The following CRYBG1 variants were observed in gnomAD, a reference collection of about 807,000 sequenced individuals.
CRYBG1 encodes beta/gamma crystallin domain-containing protein 1.
A neutral mutation model predicts 189.2 loss-of-function variants in CRYBG1; 139 were observed. The observed-to-expected ratio is 0.73, with a 90% CI of 0.64 to 0.85. The LOEUF (loss-of-function observed/expected upper bound fraction) is 0.85, where lower values mean the gene tolerates loss of function less well. CRYBG1 is among the 40% of genes least tolerant of loss of function. The pLI, the probability that CRYBG1 is intolerant of heterozygous loss-of-function variation, is 0.00. For missense variants in CRYBG1, 2,611 were observed against 2,675.8 expected (o/e 0.98, Z 0.53); for synonymous variants, 1,023 against 1,017.1 (o/e 1.01, Z -0.11).
chr6:106,405,353 G>A lies in CRYBG1; in HGVS notation c.173+44272G>A, dbSNP rs190350426. Among the ~76,000 whole-genome samples, 8 of 152,302 alleles carry A rather than the reference G, an allele frequency of 5.3e-5. No individual in the cohort carries two copies. In the East Asian group the frequency reaches 1.5e-3, roughly 29 times the overall value. On this transcript the variant is annotated intron_variant, in intron 1 of 21. Coordinates refer to ENST00000633556, the MANE Select transcript of CRYBG1 (RefSeq NM_001371242.2). ...CTCTAGATTCCTCCTCTCTGGGCAGGGCATCTCTGAAAGAAAGGCAGCAGC... is the reference window on the plus strand; with the variant it reads ...CTCTAGATTCCTCCTCTCTGGGCAGAGCATCTCTGAAAGAAAGGCAGCAGC...
At chr6:106,403,659 G>T (rs1258612183) in intron 1 of CRYBG1, among the ~76,000 whole-genome samples, 1 of 152,134 alleles carries the variant, frequency 6.6e-6, no homozygotes, top group Non-Finnish European at 1.5e-5. Flanking sequence ...TGAACAATGG[G>T]TAGCCTTACT....
chr6:106,527,577 G>A, intron 7 of CRYBG1, 107 bp downstream of exon 7: 1 of 1,133,300 alleles, frequency 8.8e-7, no homozygotes. Flanking sequence ...AACATATTTG[G>A]TGCCTTATGG....
intron 2 of CRYBG1, among the ~76,000 whole-genome samples, chr6:106,452,182 G>A (rs1053561494): frequency 2.0e-5 from 3 of 148,158 alleles, no homozygotes; most frequent in East Asian, 3.9e-4. Context: ...AGAGGCAGGC[G>A]GATCACTTGA....
At chr6:106,548,902 C>G (rs1365048328) in intron 13 of CRYBG1, among the ~76,000 whole-genome samples, 1 of 120,316 alleles carries the variant, frequency 8.3e-6, no homozygotes, top group African/African-American at 3.1e-5. Flanking sequence ...CCTCCCCCCA[C>G]CCCACAACAG....
At position 106,519,731 on chromosome 6, in the gene CRYBG1, T is replaced by C. The variant is rs1378785910; in HGVS notation, c.2523T>C (p.Thr841=). The change falls in exon 4 of 22, where the codon ACT becomes ACC. Residue 841 remains threonine (T), a synonymous_variant. Transcript: ENST00000633556. ...VTDTAQDIPT[T]VDTKDLPPTA... ...ATACAGCACAAGACATCCCCACCACTGTGGATACCAAAGATTTACCTCCAA... is the reference window on the plus strand; with the variant it reads ...ATACAGCACAAGACATCCCCACCACCGTGGATACCAAAGATTTACCTCCAA... 6.2e-7 allele frequency: 1 copy of C among 1,614,170 alleles called. No individual in the cohort carries two copies. Among genetic ancestry groups the C allele is most frequent in the African/African-American group, 1.3e-5 (1 of 75,048 alleles).
At position 106,553,930 on chromosome 6, in the gene CRYBG1, G is replaced by A. The variant is rs548303767; in HGVS notation, c.5585+363G>A. The stretch of plus-strand genomic sequence containing the variant: ...ATTAACAGGAAGGTAGAAAGTACAC[G>A]CTGGAGTGGAGCTGGTGGACACGCG... On this transcript the variant is annotated intron_variant, in intron 16 of 21. Transcript: ENST00000633556. Among the ~76,000 whole-genome samples the A allele has an allele frequency of 1.1e-4, 16 of 152,270 alleles. No individual in the cohort carries two copies. In the South Asian group the frequency reaches 2.9e-3, roughly 28 times the overall value.
chr6:106,467,616 A>G (rs1202861660), intron 2 of CRYBG1, among the ~76,000 whole-genome samples: 5 of 152,250 alleles, frequency 3.3e-5, no homozygotes, highest in Non-Finnish European at 7.3e-5. Flanking sequence ...AAAACCAGGT[A>G]GAAAGTTTTA....
intron 1 of CRYBG1, among the ~76,000 whole-genome samples, chr6:106,447,965 A>G (rs900644509): frequency 7.2e-5 from 11 of 152,196 alleles, no homozygotes; most frequent in African/African-American, 2.4e-4. Flanking sequence ...ATTTCTGTGT[A>G]ATACATTGTG....
chr6:106,383,205 A>G (rs1770319780), intron 1 of CRYBG1, among the ~76,000 whole-genome samples: 1 of 152,190 alleles, frequency 6.6e-6, no homozygotes, highest in Admixed American at 6.5e-5. Flanking sequence ...CCAAATCAAA[A>G]TCACTCAGGT....
chr6:106,494,464 G>A (rs12211147), intron 2 of CRYBG1, among the ~76,000 whole-genome samples: 20,481 of 152,070 alleles, frequency 0.13, 1,443 homozygotes, highest in Non-Finnish European at 0.15. Flanking sequence ...ACGCTGACAT[G>A]AGCCAGCAGA....
At chr6:106,563,704 T>A in intron 20 of CRYBG1, 60 bp from the exon 21 acceptor site, 1 of 1,513,208 alleles carries the variant, frequency 6.6e-7, no homozygotes, top group Non-Finnish European at 9.0e-7. Context: ...AGAGAAATAA[T>A]TGCTATGAGA....
At chr6:106,368,522 A>G (rs1769948485) in intron 1 of CRYBG1, among the ~76,000 whole-genome samples, 1 of 152,176 alleles carries the variant, frequency 6.6e-6, no homozygotes, top group Non-Finnish European at 1.5e-5. Context: ...CTTAGCAAGA[A>G]TGACCAGCGA....
intron 1 of CRYBG1, among the ~76,000 whole-genome samples, chr6:106,418,531 T>C (rs1651434906): frequency 6.6e-6 from 1 of 152,254 alleles, no homozygotes; most frequent in Admixed American, 6.5e-5. Flanking sequence ...TAAATTCCTT[T>C]TCAAACTCCA....
At chr6:106,516,528 C>T (rs1472708752) in intron 3 of CRYBG1, among the ~76,000 whole-genome samples, 1 of 152,160 alleles carries the variant, frequency 6.6e-6, no homozygotes, top group Non-Finnish European at 1.5e-5. Context: ...GCCACCACAC[C>T]CAGCCAGGCT....
chr6:106,372,206 T>C (rs144676825), intron 1 of CRYBG1, among the ~76,000 whole-genome samples: 4 of 152,280 alleles, frequency 2.6e-5, no homozygotes, highest in African/African-American at 9.6e-5. Flanking sequence ...AGAACAAACG[T>C]ATAAGTTGGT....
chr6:106,548,878 T>G (rs976879670), intron 13 of CRYBG1, among the ~76,000 whole-genome samples: 35 of 148,696 alleles, frequency 2.4e-4, no homozygotes, highest in Admixed American at 1.7e-3. Flanking sequence ...TATCTCCTAA[T>G]GCTATCCCTC....
chr6:106,483,101 T>C (rs1235568608), intron 2 of CRYBG1, among the ~76,000 whole-genome samples: 2 of 152,090 alleles, frequency 1.3e-5, no homozygotes, highest in Non-Finnish European at 2.9e-5. Context: ...TCTATCTAAT[T>C]GTCACTTTGT....
At chr6:106,388,304 T>A (rs1292106969) in intron 1 of CRYBG1, among the ~76,000 whole-genome samples, 1 of 152,196 alleles carries the variant, frequency 6.6e-6, no homozygotes, top group Non-Finnish European at 1.5e-5. Flanking sequence ...GGTCCTGAAC[T>A]ATCCTGGGGC....
At chr6:106,391,312 C>T (rs971077249) in intron 1 of CRYBG1, among the ~76,000 whole-genome samples, 1 of 152,288 alleles carries the variant, frequency 6.6e-6, no homozygotes, top group East Asian at 1.9e-4. Flanking sequence ...GATCTCCTGA[C>T]CTCAGGTGAT....
Sources: gnomAD v4.1 joint callset for allele counts (sites outside exome capture counted in the v4.1 genomes callset) on GRCh38, gnomAD v4.1.1 for gene constraint, MANE v1.5 for transcripts, NCBI Gene and HGNC (gene_info 2026-07-23, HGNC 2026-07-21) for gene names.